TNIP3: variants seen among roughly 807,000 people sequenced by gnomAD.
TNIP3 encodes TNFAIP3 interacting protein 3.
A neutral mutation model predicts 54.1 loss-of-function variants in TNIP3; 34 were observed. The ratio of observed to expected loss-of-function variants is 0.63; its 90% CI spans 0.48 to 0.84. The LOEUF is 0.84. Ranked by LOEUF, TNIP3 falls within the 40% of genes least tolerant of loss-of-function variation. The pLI, the probability that TNIP3 is intolerant of heterozygous loss-of-function variation, is 0.00. For missense variants in TNIP3, 366 were observed against 387.6 expected (o/e 0.94, Z 0.47); for synonymous variants, 134 against 136.8 (o/e 0.98, Z 0.14).
At position 121,154,605 on chromosome 4, in the gene TNIP3, A is replaced by T. The variant is rs528572309; in HGVS notation, c.438T>A (p.Thr146=). 1.2e-6 allele frequency: 2 copies of T among 1,613,886 alleles called. No homozygotes were observed. Among genetic ancestry groups the T allele is most frequent in the East Asian group, 4.5e-5 (2 of 44,874 alleles). ...EENKLLKGKN[T]LANKEKEHYE... ...AATGTTCCTTTTCCTTGTTCGCAAGAGTATTTTTTCCCTTTAAAAGTTTAT... is the reference window on the plus strand; with the variant it reads ...AATGTTCCTTTTCCTTGTTCGCAAGTGTATTTTTTCCCTTTAAAAGTTTAT... Residue 146 remains threonine, a synonymous_variant, in exon 5 of 11, where the codon ACT becomes ACA. Coordinates refer to ENST00000057513, the MANE Select transcript of TNIP3 (RefSeq NM_024873.6).
At chr4:121,160,144 G>T (rs1174231526) in intron 2 of TNIP3, among the ~76,000 whole-genome samples, 4 of 152,128 alleles carry the variant, frequency 2.6e-5, no homozygotes, top group Non-Finnish European at 5.9e-5. Flanking sequence ...AAGGCACCAT[G>T]CAAGAGAACA....
intron 7 of TNIP3, 53 bp downstream of exon 7, chr4:121,146,996 A>T (rs1729467929): frequency 6.4e-7 from 1 of 1,550,826 alleles, no homozygotes; most frequent in South Asian, 1.2e-5. Context: ...ATTTTTTTAA[A>T]TGAAAAAAAT....
intron 6 of TNIP3, among the ~76,000 whole-genome samples, chr4:121,147,393 A>G (rs1729494820): frequency 6.6e-6 from 1 of 152,218 alleles, no homozygotes; most frequent in Admixed American, 6.5e-5. Context: ...CTGACAATAG[A>G]TGTTAAGTGA....
chr4:121,153,172 A>C (rs1004240866), intron 5 of TNIP3, among the ~76,000 whole-genome samples: 5 of 152,162 alleles, frequency 3.3e-5, no homozygotes, highest in Admixed American at 6.5e-5. Flanking sequence ...TTAAAATGTA[A>C]AATTTCGTGT....
At chr4:121,137,952 T>C (rs923836868) in intron 10 of TNIP3, 2 of 456,108 alleles carry the variant, frequency 4.4e-6, no homozygotes, top group African/African-American at 4.0e-5. Context: ...GCTCAGTTTA[T>C]ACAGCCCGCT....
chr4:121,182,427 CT>C (rs1266953049), intron 3 of TNIP3, among the ~76,000 whole-genome samples: 2 of 152,206 alleles, frequency 1.3e-5, no homozygotes, highest in African/African-American at 2.4e-5. Context: ...TCCTCACCTT[CT>C]TGTAGTCACA....
intron 2 of TNIP3, among the ~76,000 whole-genome samples, chr4:121,159,333 G>C (rs1364222838): frequency 6.6e-6 from 1 of 152,206 alleles, no homozygotes; most frequent in African/African-American, 2.4e-5. Flanking sequence ...CAGTTTATCA[G>C]TAACTTTTAA....
intron 1 of TNIP3, among the ~76,000 whole-genome samples, chr4:121,163,649 C>T (rs1367342834): frequency 6.6e-6 from 1 of 152,126 alleles, no homozygotes; most frequent in Non-Finnish European, 1.5e-5. Flanking sequence ...TATTTGAATT[C>T]ATTCATTCAA....
chr4:121,158,640 C>A, intron 3 of TNIP3, 47 bp downstream of exon 3: 1 of 1,482,358 alleles, frequency 6.7e-7, no homozygotes, highest in Non-Finnish European at 9.4e-7. Context: ...TTGGCCCCAC[C>A]AGGATAATGG....
chr4:121,195,536 T>C lies in TNIP3; in HGVS notation c.69-12740A>G, dbSNP rs542702035. Among the ~76,000 whole-genome samples, 28 of 152,338 alleles carry C rather than the reference T, an allele frequency of 1.8e-4. No individual in the cohort carries two copies. The South Asian group carries it at 5.8e-3, about 32-fold the overall frequency. On this transcript the variant is annotated intron_variant, in intron 2 of 12. Coordinates refer to the TNIP3 transcript ENST00000507879. ...TGGGTACTCTTTGTTTATTATAACATGTCAAACAATCGAATTCAGATGGGA... is the reference window on the plus strand; with the variant it reads ...TGGGTACTCTTTGTTTATTATAACACGTCAAACAATCGAATTCAGATGGGA...
chr4:121,209,322 G>GT (rs952929735), intron 2 of TNIP3, among the ~76,000 whole-genome samples: 6 of 152,226 alleles, frequency 3.9e-5, no homozygotes, highest in Admixed American at 3.3e-4. Context: ...TTTGTAGCAT[G>GT]TTGGTCAGAA....
intron 3 of TNIP3, among the ~76,000 whole-genome samples, chr4:121,175,269 A>G (rs1289076012): frequency 2.0e-5 from 3 of 152,238 alleles, no homozygotes. Context: ...AGGTGGAGTG[A>G]TAATTCCAAA....
At chr4:121,214,548 T>C (rs1579505739) in intron 2 of TNIP3, among the ~76,000 whole-genome samples, 1 of 152,106 alleles carries the variant, frequency 6.6e-6, no homozygotes, top group Non-Finnish European at 1.5e-5. Flanking sequence ...GGTGGCCGGG[T>C]GAGGATTGCC....
intron 1 of TNIP3, chr4:121,227,307 A>G: frequency 1.5e-6 from 2 of 1,337,654 alleles, no homozygotes; most frequent in Non-Finnish European, 2.1e-6. Context: ...TATGCATTTT[A>G]AAAAAGAAAT....
rs1349769148 is a variant in TNIP3 at position 121,132,348 on chromosome 4, A to G, written c.*283T>C. On this transcript the variant is annotated 3_prime_UTR_variant, in exon 11 of 11. Transcript: ENST00000057513. ...TGTGCATCCAACAGCAATATGCTGA[A>G]GAGATTTTCAGGGAGTCGTGCATCA... The G allele has an allele frequency of 9.9e-6, 4 of 405,212 alleles. No homozygotes were observed. Among genetic ancestry groups the G allele is most frequent in the Non-Finnish European group, 1.8e-5 (4 of 225,754 alleles). 25.1% of individuals were successfully genotyped at this position (405,212 alleles called of 1,614,324 possible).
In TNIP3 at chr4:121,132,640, G is replaced by C; in HGVS notation, c.969C>G (p.Val323=). 1 of 1,612,924 alleles carries C rather than the reference G, an allele frequency of 6.2e-7. No individual in the cohort carries two copies. The highest frequency in any genetic ancestry group is 2.2e-5 in the East Asian group (1 of 44,868). Residue 323 remains valine, a synonymous_variant, in exon 11 of 11, where the codon GTC becomes GTG. Coordinates refer to ENST00000057513, the MANE Select transcript of TNIP3 (RefSeq NM_024873.6). ...KANGLSSVKK[V]HP ...CTGTTAGTGTGTACTTCTACGGATGGACTTTCTTTACTGAGGATAAACCTA... is the reference window on the plus strand; with the variant it reads ...CTGTTAGTGTGTACTTCTACGGATGCACTTTCTTTACTGAGGATAAACCTA...
chr4:121,199,495 G>A (rs1579481794), intron 2 of TNIP3, among the ~76,000 whole-genome samples: 1 of 152,226 alleles, frequency 6.6e-6, no homozygotes, highest in Middle Eastern at 3.4e-3. Flanking sequence ...TTATGAGCAG[G>A]GATCGATGAA....
chr4:121,150,000 C>T, intron 6 of TNIP3, 103 bp downstream of exon 6: 1 of 705,446 alleles, frequency 1.4e-6, no homozygotes, highest in Non-Finnish European at 2.5e-6. Context: ...AATGCAAAAA[C>T]CTTTGACATA....
chr4:121,211,752 A>T (rs1726489357), intron 2 of TNIP3, among the ~76,000 whole-genome samples: 1 of 152,172 alleles, frequency 6.6e-6, no homozygotes, highest in Admixed American at 6.5e-5. Context: ...CAACTCAGAG[A>T]TGTTTTCAGC....
Sources: allele counts gnomAD v4.1 joint callset (sites outside exome capture counted in the v4.1 genomes callset), GRCh38; gene constraint gnomAD v4.1.1; transcripts MANE v1.5; gene names NCBI Gene and HGNC (gene_info 2026-07-23, HGNC 2026-07-21).